INTS4: variants seen among roughly 807,000 people sequenced by gnomAD.
INTS4 encodes the protein MSTP093.
In INTS4, 70 loss-of-function variants were observed where a neutral mutation model predicts 119.5. The ratio of observed to expected loss-of-function variants is 0.59; its 90% CI spans 0.48 to 0.71. The LOEUF (loss-of-function observed/expected upper bound fraction) is 0.71, where lower values mean the gene tolerates loss of function less well. Among genes scored for constraint, INTS4 ranks in the 30% least tolerant of loss-of-function variants. The probability of loss-of-function intolerance (pLI) is 0.00; values close to 1 mark genes in which losing one functional copy is unlikely to be tolerated. For synonymous variants in INTS4, 316 were observed against 419.6 expected (o/e 0.75, Z 3.02); for missense variants, 867 against 1,173.2 (o/e 0.74, Z 3.81).
intron 2 of INTS4, among the ~76,000 whole-genome samples, chr11:77,986,210 A>G (rs1453575930): frequency 6.6e-6 from 1 of 152,204 alleles, no homozygotes; most frequent in Admixed American, 6.5e-5. Flanking sequence ...TCTTCGCCAC[A>G]TTTATGCAGC....
intron 9 of INTS4, among the ~76,000 whole-genome samples, chr11:77,939,643 C>T (rs116309563): frequency 3.0e-4 from 46 of 152,050 alleles, no homozygotes; most frequent in African/African-American, 1.1e-3. Flanking sequence ...CCTGGCACTC[C>T]GTTTTATATA....
At chr11:77,886,053 A>T (rs72939448) in intron 21 of INTS4, among the ~76,000 whole-genome samples, 21,882 of 151,766 alleles carry the variant, frequency 0.14, 1,789 homozygotes, top group Admixed American at 0.2. Flanking sequence ...AAAAAAAATT[A>T]AAATTAGCCA....
At chr11:77,910,337 A>C (rs1331267159) in intron 15 of INTS4, among the ~76,000 whole-genome samples, 1 of 151,464 alleles carries the variant, frequency 6.6e-6, no homozygotes, top group East Asian at 1.9e-4. Flanking sequence ...GCAAACTATC[A>C]CAAGGACAAA....
intron 15 of INTS4, chr11:77,918,266 T>C: frequency 7.3e-6 from 4 of 549,414 alleles, no homozygotes; most frequent in East Asian, 3.5e-5. Context: ...ACCTCGACTC[T>C]ACAAAAAAAA....
At chr11:77,933,640 C>T (rs922074117) in intron 10 of INTS4, among the ~76,000 whole-genome samples, 2 of 152,196 alleles carry the variant, frequency 1.3e-5, no homozygotes, top group African/African-American at 2.4e-5. Flanking sequence ...TCTGCCCGGC[C>T]GCCACCCCGT....
chr11:77,879,164 C>T (rs1590989975), intron 22 of INTS4, 37 bp from the exon 23 acceptor site: 2 of 1,607,674 alleles, frequency 1.2e-6, no homozygotes, highest in East Asian at 2.2e-5. Flanking sequence ...TATAACTAGG[C>T]AACTGCTAGG....
chr11:77,896,577 G>A (rs756740831), intron 18 of INTS4, among the ~76,000 whole-genome samples: 10 of 151,716 alleles, frequency 6.6e-5, no homozygotes, highest in South Asian at 4.2e-4. Context: ...TCTTGAACCC[G>A]GGAGGTGGAG....
intron 15 of INTS4, among the ~76,000 whole-genome samples, chr11:77,914,609 T>C (rs1793331): frequency 0.39 from 58,925 of 152,004 alleles, 11,616 homozygotes; most frequent in African/African-American, 0.43. Flanking sequence ...AAAGGTCAAA[T>C]AGTAAATATG....
At chr11:77,967,403 C>T (rs1042088046) in intron 4 of INTS4, among the ~76,000 whole-genome samples, 4 of 152,182 alleles carry the variant, frequency 2.6e-5, no homozygotes, top group African/African-American at 9.7e-5. Context: ...AATTTGCCAG[C>T]ACCTTAATCT....
intron 11 of INTS4, among the ~76,000 whole-genome samples, chr11:77,926,502 T>C (rs1565249766): frequency 6.6e-6 from 1 of 151,738 alleles, no homozygotes; most frequent in African/African-American, 2.4e-5. Context: ...CTGCAAGACA[T>C]TGGTAATAAA....
chr11:77,970,571 G>A (rs1165983926), intron 4 of INTS4, among the ~76,000 whole-genome samples: 1 of 152,052 alleles, frequency 6.6e-6, no homozygotes, highest in African/African-American at 2.4e-5. Context: ...GCTCACTCCT[G>A]TAATCCTAGC....
intron 15 of INTS4, chr11:77,918,035 C>A: frequency 4.3e-6 from 3 of 701,534 alleles, no homozygotes; most frequent in Non-Finnish European, 7.8e-6. Flanking sequence ...TGATACCTTT[C>A]TCTTCCTGTT....
chr11:77,910,679 C>CAATTA (rs910514326), intron 15 of INTS4, among the ~76,000 whole-genome samples: 2 of 152,044 alleles, frequency 1.3e-5, no homozygotes, highest in African/African-American at 2.4e-5. Context: ...AAAGGATATA[C>CAATTA]AATTAAATTA....
At chr11:77,930,565 A>T (rs548797706) in intron 10 of INTS4, among the ~76,000 whole-genome samples, 1 of 152,384 alleles carries the variant, frequency 6.6e-6, no homozygotes, top group South Asian at 2.1e-4. Context: ...TCAGAAAGAG[A>T]TAATCATTGT....
At chr11:77,876,929 GTTC>G, downstream of INTS4, 1 of 702,886 alleles carries the variant, frequency 1.4e-6, no homozygotes, top group Non-Finnish European at 2.6e-6. Flanking sequence ...AGCAGCCATG[GTTC>G]TTCATGTTTT....
intron 10 of INTS4, among the ~76,000 whole-genome samples, chr11:77,933,796 G>A (rs572599599): frequency 6.6e-6 from 1 of 151,492 alleles, no homozygotes; most frequent in African/African-American, 2.4e-5. Flanking sequence ...CCGCCCGGCA[G>A]CCGCCCCGTC....
intron 4 of INTS4, among the ~76,000 whole-genome samples, chr11:77,969,605 C>T (rs550883242): frequency 9.9e-5 from 15 of 152,240 alleles, no homozygotes; most frequent in African/African-American, 3.6e-4. Flanking sequence ...AACACCTGCA[C>T]TCAAGCGAGC....
rs189161650 is a variant in INTS4, at chr11:77,909,174, A to G, written c.1923-1364T>C. 1.8e-4 allele frequency among the ~76,000 whole-genome samples: 27 copies of G among 152,396 alleles called. No individual in the cohort carries two copies. In the East Asian group the frequency reaches 4.8e-3, roughly 27 times the overall value. The stretch of plus-strand genomic sequence containing the variant: ...TAACTCTAAGGGAAAAACCCTTAAG[A>G]TAAAGCCAATGCTGAAGACAAGAAA... On this transcript the variant is annotated intron_variant, in intron 15 of 22. Transcript: ENST00000534064.
chr11:77,888,715 A>G (rs1167095129), intron 21 of INTS4, among the ~76,000 whole-genome samples: 1 of 152,194 alleles, frequency 6.6e-6, no homozygotes, highest in Non-Finnish European at 1.5e-5. Flanking sequence ...AATGAACTCA[A>G]ACAAATTTAC....
Sources: allele counts gnomAD v4.1 joint callset (sites outside exome capture counted in the v4.1 genomes callset), GRCh38; gene constraint gnomAD v4.1.1; transcripts MANE v1.5; gene names NCBI Gene and HGNC (gene_info 2026-07-23, HGNC 2026-07-21).